The following NECAP1 variants were observed in gnomAD, a reference collection of about 807,000 sequenced individuals.
NECAP1 encodes the protein NECAP endocytosis associated 1.
Under a neutral mutation model 33.4 loss-of-function variants are expected in NECAP1, and 13 were observed. The observed-to-expected ratio is 0.39, with a 90% CI of 0.25 to 0.62. NECAP1 has a LOEUF of 0.62. NECAP1 is among the 20% of genes least tolerant of loss of function. NECAP1 has a pLI of 0.52. For missense variants in NECAP1, 272 were observed against 347.4 expected (o/e 0.78, Z 1.73); for synonymous variants, 109 against 125.2 (o/e 0.87, Z 0.86).
chr12:8,087,350 G>C (rs1430499704), intron 1 of NECAP1, among the ~76,000 whole-genome samples: 11 of 151,636 alleles, frequency 7.3e-5, no homozygotes, highest in Non-Finnish European at 1.5e-4. Context: ...GCAAAATCAA[G>C]AGTTCTTTAG....
At chr12:8,090,799 C>T (rs1373437685) in intron 3 of NECAP1, 1 of 150,672 alleles carries the variant, frequency 6.6e-6, no homozygotes, top group South Asian at 2.0e-4. Context: ...AAAACTCCAT[C>T]TCAAAAAAAA....
chr12:8,089,208 T>C (rs1947519063), intron 1 of NECAP1: 1 of 152,186 alleles, frequency 6.6e-6, no homozygotes, highest in Admixed American at 6.5e-5. Flanking sequence ...AAGTACTGTA[T>C]AAATATTGAT....
At chr12:8,085,081 G>A (rs373676509) in intron 1 of NECAP1, among the ~76,000 whole-genome samples, 4 of 151,744 alleles carry the variant, frequency 2.6e-5, no homozygotes, top group African/African-American at 9.7e-5. Context: ...GTGCGCTGGC[G>A]CAATCTCAGC....
chr12:8,093,449 G>A (rs1947568050), intron 6 of NECAP1: 4 of 193,312 alleles, frequency 2.1e-5, no homozygotes, highest in Admixed American at 1.1e-4. Flanking sequence ...CCACCCCAGC[G>A]GGGACCTTGG....
Position 8,096,267 on chromosome 12 carries a change from C to CTTGTACAGCCAAGAAAGTATCTG in NECAP1, c.*180_*202dup, listed in dbSNP as rs1947593424. ...TTTATGTCACTCCCCTGTGTTGTTACTTGTACAGCCAAGAAAGTATCTGTT... is the reference window on the plus strand; with the variant it reads ...TTTATGTCACTCCCCTGTGTTGTTACTTGTACAGCCAAGAAAGTATCTGTTGTACAGCCAAGAAAGTATCTGTT... On this transcript the variant is annotated 3_prime_UTR_variant, in exon 8 of 8. Coordinates refer to ENST00000339754, the MANE Select transcript of NECAP1 (RefSeq NM_015509.4). The CTTGTACAGCCAAGAAAGTATCTG allele has an allele frequency of 3.2e-6, 2 of 619,112 alleles. No individual in the cohort carries two copies. The highest frequency in any genetic ancestry group is 5.7e-5 in the Admixed American group (2 of 34,916). 38.4% of individuals were successfully genotyped at this position (619,112 alleles called of 1,614,324 possible).
At chr12:8,086,071 G>A (rs904213140) in intron 1 of NECAP1, among the ~76,000 whole-genome samples, 2 of 151,978 alleles carry the variant, frequency 1.3e-5, no homozygotes, top group Non-Finnish European at 2.9e-5. Context: ...ATAAATGCTG[G>A]TTTTCTTTTT....
At chr12:8,088,057 C>T (rs1194645878) in intron 1 of NECAP1, among the ~76,000 whole-genome samples, 4 of 152,112 alleles carry the variant, frequency 2.6e-5, no homozygotes, top group Admixed American at 2.6e-4. Flanking sequence ...AATCTGTTTT[C>T]CATACTCCTG....
At chr12:8,093,543 A>G (rs1470546568) in intron 6 of NECAP1, 1 of 155,512 alleles carries the variant, frequency 6.4e-6, no homozygotes, top group Non-Finnish European at 1.4e-5. Context: ...CCTGGGCAAC[A>G]TGATGAAATC....
At chr12:8,090,606 T>C (rs1490065033) in intron 3 of NECAP1, 2 of 260,584 alleles carry the variant, frequency 7.7e-6, no homozygotes, top group East Asian at 1.7e-4. Flanking sequence ...GTCAGGAGTT[T>C]GAGGCCAGCC....
chr12:8,093,109 A>T (rs922438069), intron 6 of NECAP1, 54 bp downstream of exon 6: 2 of 1,538,190 alleles, frequency 1.3e-6, no homozygotes, highest in African/African-American at 2.7e-5. Context: ...TTAATTAAGC[A>T]ACACCTGTTT....
At chr12:8,091,938 G>T in intron 4 of NECAP1, 88 bp downstream of exon 4, 3 of 1,147,792 alleles carry the variant, frequency 2.6e-6, no homozygotes, top group Non-Finnish European at 3.8e-6. Flanking sequence ...TTTTCCTCCT[G>T]GTTTCTTTGT....
chr12:8,091,586 A>G, intron 3 of NECAP1, 183 bp from the exon 4 acceptor site: 1 of 598,184 alleles, frequency 1.7e-6, no homozygotes, highest in Non-Finnish European at 3.0e-6. Context: ...CAGGAGGCGG[A>G]GCTCAGGTGG....
At position 8,092,863 on chromosome 12, in the gene NECAP1, C is replaced by A; in HGVS notation, c.493-9C>A. 6.4e-7 allele frequency: 1 copy of A among 1,573,340 alleles called. No individual in the cohort carries two copies. Among genetic ancestry groups the A allele is most frequent in the Non-Finnish European group, 8.6e-7 (1 of 1,159,936 alleles). On this transcript the variant is annotated splice_polypyrimidine_tract_variant and intron_variant, in intron 5 of 7. Coordinates refer to ENST00000339754, the MANE Select transcript of NECAP1 (RefSeq NM_015509.4). ...ATCTTTCTCTTGCTCTTCTTTTTTT[C>A]TTTTGTAGAACATTACAAACAAGAA...
At position 8,092,497 on chromosome 12, in the gene NECAP1, T is replaced by C. The variant is rs778470375; in HGVS notation, c.384-179T>C. Reference sequence around the variant, plus strand: ...GTGAGATTTCTCAGAGAGTCCCCAGTGGAATTGAACCCCAGTTGTTTTCTT... The same window carrying C: ...GTGAGATTTCTCAGAGAGTCCCCAGCGGAATTGAACCCCAGTTGTTTTCTT... On this transcript the variant is annotated intron_variant, in intron 4 of 7. Coordinates refer to ENST00000339754, the MANE Select transcript of NECAP1 (RefSeq NM_015509.4). The C allele has an allele frequency of 5.3e-5, 30 of 562,986 alleles. No homozygotes were observed. In the South Asian group the frequency reaches 7.0e-4, roughly 13 times the overall value. The allele number at this position is 562,986 out of a possible 1,614,324, so 34.9% of individuals were successfully genotyped here. A position where few individuals can be genotyped will look rare whatever the true frequency, so the allele number is the denominator to read the frequency against.
At position 8,090,275 on chromosome 12, in the gene NECAP1, G is replaced by A; in HGVS notation, c.277G>A (p.Val93Ile). The A allele has an allele frequency of 6.2e-7, 1 of 1,614,166 alleles. No homozygotes were observed. Among genetic ancestry groups the A allele is most frequent in the Non-Finnish European group, 8.5e-7 (1 of 1,180,014 alleles). Residue 93 changes from valine (V) to isoleucine (I), a missense_variant, in exon 3 of 8, where the codon GTA becomes ATA. Coordinates refer to ENST00000339754, the MANE Select transcript of NECAP1 (RefSeq NM_015509.4). ...GGTGACAGATTCTAGCCGCTACTTT[G>A]TAATCCGGATCCAGGATGGTACTGG... Reference protein sequence around the residue: ...ETVTDSSRYFVIRIQDGTGRS... With the variant: ...ETVTDSSRYFIIRIQDGTGRS...
At chr12:8,096,015 G>T (rs1363329205) in intron 7 of NECAP1, 27 bp from the exon 8 acceptor site, 1 of 1,613,102 alleles carries the variant, frequency 6.2e-7, no homozygotes, top group Non-Finnish European at 8.5e-7. Flanking sequence ...TTATGTCTCT[G>T]GCTTTCTCTG....
chr12:8,087,686 T>C (rs1324528434), intron 1 of NECAP1, among the ~76,000 whole-genome samples: 1 of 152,014 alleles, frequency 6.6e-6, no homozygotes, highest in African/African-American at 2.4e-5. Context: ...GGTGCCTGGC[T>C]GTTCCTAATA....
chr12:8,094,215 A>AT (rs1947574783), intron 6 of NECAP1, among the ~76,000 whole-genome samples: 1 of 151,990 alleles, frequency 6.6e-6, no homozygotes, highest in Non-Finnish European at 1.5e-5. Flanking sequence ...AGTATCTAAG[A>AT]TTTTTTTTAA....
intron 6 of NECAP1, among the ~76,000 whole-genome samples, chr12:8,094,367 T>C (rs777508831): frequency 1.3e-5 from 2 of 152,318 alleles, no homozygotes; most frequent in East Asian, 3.9e-4. Flanking sequence ...AAATGAAAAA[T>C]TGATGTTGAT....
Sources: allele counts gnomAD v4.1 joint callset (sites outside exome capture counted in the v4.1 genomes callset), GRCh38; gene constraint gnomAD v4.1.1; transcripts MANE v1.5; gene names NCBI Gene and HGNC (gene_info 2026-07-23, HGNC 2026-07-21).